Variants in RNF38 observed in about 807,000 individuals in gnomAD.
RNF38 encodes the protein ring finger protein 38.
RNF38 carries 15 observed loss-of-function variants against 67.2 expected under a neutral mutation model. The observed-to-expected ratio is 0.22, with a 90% CI of 0.15 to 0.34. The LOEUF is 0.34. RNF38 is among the 10% of genes least tolerant of loss of function. The pLI is 1.00. For missense variants in RNF38, 524 were observed against 639.9 expected, an observed-to-expected ratio of 0.82 and a Z score of 1.95; for synonymous variants, 220 against 218.8, an observed-to-expected ratio of 1.01 and a Z score of -0.05.
chr9:36,359,483 A>C (rs1470023399), intron 4 of RNF38, among the ~76,000 whole-genome samples: 3 of 152,284 alleles, frequency 2.0e-5, no homozygotes, highest in African/African-American at 7.2e-5. Context: ...TTGCCTCTAC[A>C]GTGAAATACC....
chr9:36,487,660 G>C (rs1336456083), upstream of RNF38: 1 of 815,462 alleles, frequency 1.2e-6, no homozygotes, highest in Non-Finnish European at 1.5e-6. Flanking sequence ...GACGGAGGCG[G>C]CTCCCGAAGG....
intron 1 of RNF38, among the ~76,000 whole-genome samples, chr9:36,440,598 T>C (rs1839170960): frequency 6.6e-6 from 1 of 150,956 alleles, no homozygotes; most frequent in South Asian, 2.1e-4. Flanking sequence ...CAAAATATAC[T>C]GTTAAGTGGA....
Position 36,393,504 on chromosome 9 carries a change from TGTGTGTGTGTGTGTGTGTGG to T in RNF38, c.13-2908_13-2889del, listed in dbSNP as rs1352521170. Among the ~76,000 whole-genome samples the T allele has an allele frequency of 3.8e-4, 57 of 148,956 alleles. No individual in the cohort carries two copies. The East Asian group carries it at 7.5e-3, about 20-fold the overall frequency. On this transcript the variant is annotated intron_variant, in intron 1 of 11. Coordinates refer to ENST00000259605, the MANE Select transcript of RNF38 (RefSeq NM_022781.5). ...GTGTGTGTGTGTGTGTGTGTGTGTG[TGTGTGTGTGTGTGTGTGTGG>T]GGCAGGCAGTCCCATACATAGGTTG... is the stretch of plus-strand genomic sequence containing the variant.
intron 1 of RNF38, among the ~76,000 whole-genome samples, chr9:36,447,585 A>G (rs556970994): frequency 1.1e-4 from 16 of 152,358 alleles, no homozygotes; most frequent in Middle Eastern, 3.4e-3. Context: ...CCAACCTGCT[A>G]AAACAGGTAC....
At chr9:36,468,537 C>T (rs192443197) in intron 1 of RNF38, among the ~76,000 whole-genome samples, 4 of 152,024 alleles carry the variant, frequency 2.6e-5, no homozygotes, top group African/African-American at 4.8e-5. Flanking sequence ...ATGAGCCTGG[C>T]GTGGTGGCTC....
chr9:36,341,245 C>T (rs189426422), intron 11 of RNF38, among the ~76,000 whole-genome samples: 39 of 152,188 alleles, frequency 2.6e-4, no homozygotes, highest in Non-Finnish European at 5.1e-4. Flanking sequence ...ATTCTCTGTC[C>T]GCACGTGTCA....
intron 6 of RNF38, among the ~76,000 whole-genome samples, chr9:36,353,944 TG>T (rs1833891238): frequency 6.6e-6 from 1 of 152,160 alleles, no homozygotes; most frequent in South Asian, 2.1e-4. Flanking sequence ...TAGTTAACAC[TG>T]GGAAACAAGA....
At chr9:36,459,357 T>C (rs1413615831) in intron 1 of RNF38, among the ~76,000 whole-genome samples, 1 of 152,188 alleles carries the variant, frequency 6.6e-6, no homozygotes, top group Non-Finnish European at 1.5e-5. Flanking sequence ...CAACTAGTAC[T>C]AACACTTCCT....
Position 36,363,573 on chromosome 9 carries a change from C to T in RNF38, c.571-5631G>A, listed in dbSNP as rs575022384. 4.2e-4 allele frequency among the ~76,000 whole-genome samples: 42 copies of T among 101,076 alleles called. 9 individuals carry two copies. Among genetic ancestry groups the T allele is most frequent in the African/African-American group, 1.1e-3 (38 of 33,736 alleles). The allele number at this position is 101,076 out of a possible 152,430, so 66.3% of individuals were successfully genotyped here. On this transcript the variant is annotated intron_variant, in intron 4 of 11. Coordinates refer to ENST00000259605, the MANE Select transcript of RNF38 (RefSeq NM_022781.5). The stretch of plus-strand genomic sequence containing the variant: ...TCCAACTCACCTACATTCATCAAGT[C>T]ATATGCCATGTATATATACTCATGC...
rs1400652291 is a variant in RNF38, at chr9:36,338,811, A to G, written c.*941T>C. The G allele has an allele frequency of 6.6e-6, 1 of 152,404 alleles. No individual in the cohort carries two copies. The highest frequency in any genetic ancestry group is 1.5e-5 in the Non-Finnish European group (1 of 67,998). 9.4% of individuals were successfully genotyped at this position (152,404 alleles called of 1,614,324 possible). ...AAGAAACTTACTGGAAATGTAAAGG[A>G]AAAAAAAGTATCAACATTCAAATCA... On this transcript the variant is annotated 3_prime_UTR_variant, in exon 12 of 12. Transcript: ENST00000259605.
At chr9:36,476,859 C>T in intron 1 of RNF38, among the ~76,000 whole-genome samples, 1 of 152,104 alleles carries the variant, frequency 6.6e-6, no homozygotes, top group East Asian at 1.9e-4. Context: ...AAAGGTCTAA[C>T]TCCTAACTTG....
intron 1 of RNF38, among the ~76,000 whole-genome samples, chr9:36,398,201 G>A (rs998401585): frequency 6.6e-6 from 1 of 152,084 alleles, no homozygotes; most frequent in South Asian, 2.1e-4. Context: ...ATTAATAACA[G>A]GAACTACAAG....
intron 1 of RNF38, among the ~76,000 whole-genome samples, chr9:36,452,534 CT>C (rs748639616): frequency 1.1e-3 from 156 of 143,958 alleles, no homozygotes; most frequent in Middle Eastern, 3.6e-3. Context: ...CAAAATCTTG[CT>C]TTTTTTTTTT....
intron 1 of RNF38, among the ~76,000 whole-genome samples, chr9:36,394,204 G>A (rs1837360327): frequency 1.3e-5 from 2 of 152,166 alleles, no homozygotes; most frequent in Admixed American, 1.3e-4. Context: ...GAATCCGGGA[G>A]GTGGAGGTTG....
At chr9:36,394,470 C>G (rs974329651) in intron 1 of RNF38, among the ~76,000 whole-genome samples, 13 of 152,198 alleles carry the variant, frequency 8.5e-5, no homozygotes, top group South Asian at 2.1e-4. Context: ...TATTGTACCA[C>G]AGTGAAAAAG....
chr9:36,372,657 G>C, intron 3 of RNF38: 1 of 590,062 alleles, frequency 1.7e-6, no homozygotes, highest in Non-Finnish European at 3.1e-6. Flanking sequence ...AAAACACTAG[G>C]AGAGCCAGTT....
intron 1 of RNF38, among the ~76,000 whole-genome samples, chr9:36,391,612 C>CTTTTT (rs1158051513): frequency 7.4e-6 from 1 of 134,642 alleles, no homozygotes; most frequent in Non-Finnish European, 1.6e-5. Flanking sequence ...TCGTTTCCTA[C>CTTTTT]TTTTTTTTTT....
At chr9:36,468,411 A>G (rs766438397) in intron 1 of RNF38, among the ~76,000 whole-genome samples, 1 of 152,230 alleles carries the variant, frequency 6.6e-6, no homozygotes, top group African/African-American at 2.4e-5. Context: ...CAGAGGGCCT[A>G]AGAGTTCTTT....
chr9:36,344,458 AAAAC>A (rs891852897), intron 10 of RNF38, among the ~76,000 whole-genome samples: 4 of 152,242 alleles, frequency 2.6e-5, no homozygotes, highest in Non-Finnish European at 5.9e-5. Flanking sequence ...ATCTTGTGTG[AAAAC>A]AAACATTCTA....
Sources: allele counts gnomAD v4.1 joint callset (sites outside exome capture counted in the v4.1 genomes callset), GRCh38; gene constraint gnomAD v4.1.1; transcripts MANE v1.5; gene names NCBI Gene and HGNC (gene_info 2026-07-23, HGNC 2026-07-21).